Variants in ACTL6B observed in about 807,000 individuals in gnomAD.
ACTL6B encodes the protein actin-like protein 6B.
In ACTL6B, 48 loss-of-function variants were observed where a neutral mutation model predicts 63.3. The observed-to-expected ratio is 0.76, with a 90% confidence interval of 0.60 to 0.96. The LOEUF is 0.96. ACTL6B is among the 50% of genes least tolerant of loss of function. The probability of loss-of-function intolerance (pLI) is 0.00; values close to 1 mark genes in which losing one functional copy is unlikely to be tolerated. For synonymous variants in ACTL6B, 230 were observed against 223.8 expected (o/e 1.03, Z -0.25); for missense variants, 350 against 572.2 (o/e 0.61, Z 3.96).
chr7:100,645,648 T>C (rs1221453848), intron 13 of ACTL6B, among the ~76,000 whole-genome samples: 6 of 151,930 alleles, frequency 3.9e-5, no homozygotes, highest in African/African-American at 1.5e-4. Context: ...ATTTTTTTTT[T>C]TTTTTGAGAG....
chr7:100,652,073 G>C (rs563638827), intron 4 of ACTL6B, among the ~76,000 whole-genome samples: 31 of 152,150 alleles, frequency 2.0e-4, no homozygotes, highest in Non-Finnish European at 3.8e-4. Context: ...GACCAGGTCA[G>C]TGGGCTCCTG....
rs753577581 is a variant in ACTL6B at position 100,648,831 on chromosome 7, C to T, written c.468-8G>A. 5.0e-6 allele frequency: 8 copies of T among 1,612,402 alleles called. No individual in the cohort carries two copies. Among genetic ancestry groups the T allele is most frequent in the South Asian group, 3.3e-5 (3 of 90,862 alleles). Reference sequence around the variant, plus strand: ...GACCGCCCGTTTGCAAAGCTGGCATCGGATGGGTAAGTCAAAGAGACAGCA... The same window carrying T: ...GACCGCCCGTTTGCAAAGCTGGCATTGGATGGGTAAGTCAAAGAGACAGCA... On this transcript the variant is annotated splice_region_variant and splice_polypyrimidine_tract_variant and intron_variant, in intron 5 of 13. Transcript: ENST00000160382. This position sits in a 1 kb window ranked among gnomAD's most constrained non-coding sequence, Gnocchi z 4.4.
In ACTL6B at chr7:100,648,560, G is replaced by A; in HGVS notation, c.665C>T (p.Ala222Val). The A allele has an allele frequency of 6.2e-7, 1 of 1,601,946 alleles. No homozygotes were observed. The highest frequency in any genetic ancestry group is 1.1e-5 in the South Asian group (1 of 89,492). ...IDIIPPYMIA[A>V]KEPVREGAPP... ...CCATGTCCCCAGAGGCCCCACCTTGGCTGCGATCATGTAAGGTGGGATGAT... is the reference window on the plus strand; with the variant it reads ...CCATGTCCCCAGAGGCCCCACCTTGACTGCGATCATGTAAGGTGGGATGAT... Residue 222 changes from alanine to valine, a missense_variant, in exon 7 of 14, where the codon GCC (alanine) becomes GTC (valine). By Grantham distance (64) the Ala-to-Val change is moderately conservative. This residue lies in a region of ACTL6B where 250 missense variants were observed against 364.7 expected (regional missense o/e 0.69). Coordinates refer to ENST00000160382, the MANE Select transcript of ACTL6B (RefSeq NM_016188.5). This position sits in a 1 kb window ranked among gnomAD's most constrained non-coding sequence, Gnocchi z 4.4.
rs568396243 is a variant in ACTL6B at position 100,651,474 on chromosome 7, C to T, written c.370-1339G>A. Among the ~76,000 whole-genome samples, 30 of 150,904 alleles carry T rather than the reference C, an allele frequency of 2.0e-4. No homozygotes were observed. In the South Asian group the frequency reaches 5.2e-3, roughly 26 times the overall value. On this transcript the variant is annotated intron_variant, in intron 4 of 13. Coordinates refer to ENST00000160382, the MANE Select transcript of ACTL6B (RefSeq NM_016188.5). Reference sequence around the variant, plus strand: ...GCTGAGGCAGGAGAATCCTTGAACCCGGGAAGCGGAGGTTGCAGTGAGCCA... The same window carrying T: ...GCTGAGGCAGGAGAATCCTTGAACCTGGGAAGCGGAGGTTGCAGTGAGCCA...
chr7:100,645,536 C>G (rs780663137), intron 13 of ACTL6B, among the ~76,000 whole-genome samples: 1 of 152,126 alleles, frequency 6.6e-6, no homozygotes, highest in Non-Finnish European at 1.5e-5. Context: ...ACTCCCTTGC[C>G]CCAAAACATC....
In ACTL6B at chr7:100,647,779, G is replaced by C. The variant is rs925356540; in HGVS notation, c.670-246C>G. 2.0e-6 allele frequency: 1 copy of C among 490,094 alleles called. No homozygotes were observed. The highest frequency in any genetic ancestry group is 3.7e-5 in the South Asian group (1 of 27,348). The allele number at this position is 490,094 out of a possible 1,614,324, so 30.4% of individuals were successfully genotyped here. The stretch of plus-strand genomic sequence containing the variant: ...GAACACCAGGAATACAGCAGTGACA[G>C]AACCTCAAGGGAATGGCCTCCTAGG... On this transcript the variant is annotated intron_variant, in intron 7 of 13. Coordinates refer to ENST00000160382, the MANE Select transcript of ACTL6B (RefSeq NM_016188.5). This position sits in a 1 kb window ranked among gnomAD's most constrained non-coding sequence, Gnocchi z 4.4.
chr7:100,655,136 A>C lies in ACTL6B; in HGVS notation c.269-17T>G, dbSNP rs1804014136. 1 of 1,603,014 alleles carries C rather than the reference A, an allele frequency of 6.2e-7. No homozygotes were observed. The highest frequency in any genetic ancestry group is 8.5e-7 in the Non-Finnish European group (1 of 1,170,438). ...AGTCCTCGACTGGGGCCAGAAGAGCAGCGTGCAGAGACGCAAGAAGGCAGG... is the reference window on the plus strand; with the variant it reads ...AGTCCTCGACTGGGGCCAGAAGAGCCGCGTGCAGAGACGCAAGAAGGCAGG... On this transcript the variant is annotated splice_polypyrimidine_tract_variant and intron_variant, in intron 3 of 13. Transcript: ENST00000160382. The surrounding 1 kb of genome is among the most constrained non-coding windows in gnomAD (Gnocchi z 4.4).
At chr7:100,654,950 AGAGGTGGATGGTGGGAAG>A in intron 4 of ACTL6B, 51 bp downstream of exon 4, 1 of 1,311,328 alleles carries the variant, frequency 7.6e-7, no homozygotes, top group Non-Finnish European at 1.1e-6. Context: ...GGAGAGGAGG[AGAGGTGGATGGTGGGAAG>A]GAGGTGCAGT....
Position 100,650,032 on chromosome 7 carries a change from G to A in ACTL6B, c.467+6C>T, listed in dbSNP as rs776579917. The A allele has an allele frequency of 5.0e-6, 8 of 1,613,278 alleles. No individual in the cohort carries two copies. The South Asian group carries it at 8.8e-5, about 18-fold the overall frequency. ...CCCAGTCAGAGCAGCTCAGTCCAGA[G>A]GATACGCGGTGAGCACAGCCGTCTT... On this transcript the variant is annotated splice_donor_region_variant and intron_variant, in intron 5 of 13. Transcript: ENST00000160382.
chr7:100,645,668 G>A lies in ACTL6B; in HGVS notation c.1200+581C>T, dbSNP rs374697976. 1.4e-4 allele frequency among the ~76,000 whole-genome samples: 21 copies of A among 149,432 alleles called. 1 individual carries two copies. The South Asian group carries it at 1.5e-3, about 10-fold the overall frequency. On this transcript the variant is annotated intron_variant, in intron 13 of 13. Coordinates refer to ENST00000160382, the MANE Select transcript of ACTL6B (RefSeq NM_016188.5). ...TTTTTTTTTTTGAGAGTCTTACTGC[G>A]TCACCCAGGCTGGAGTGCAGTGGCA...
chr7:100,646,544 C>G lies in ACTL6B; in HGVS notation c.1113+7G>C. 6.2e-7 allele frequency: 1 copy of G among 1,613,942 alleles called. No homozygotes were observed. The highest frequency in any genetic ancestry group is 8.5e-7 in the Non-Finnish European group (1 of 1,179,936). On this transcript the variant is annotated splice_region_variant and intron_variant, in intron 12 of 13. Transcript: ENST00000160382. The surrounding 1 kb of genome is among the most constrained non-coding windows in gnomAD (Gnocchi z 6.1). ...TCCAGGGCTCTGGGTCAGGGGTGGGCTCCTACCGGTGGGGTCTTCTGGGAA... is the reference window on the plus strand; with the variant it reads ...TCCAGGGCTCTGGGTCAGGGGTGGGGTCCTACCGGTGGGGTCTTCTGGGAA...
rs773998945 is a variant in ACTL6B at position 100,648,775 on chromosome 7, G to A, written c.516C>T (p.Thr172=). ...CATGTACTGGAATGGCCGTGGTGTG[G>A]GTGGCTCCACTGTCCAGCACGAGGC... is the stretch of plus-strand genomic sequence containing the variant. ...STGLVLDSGA[T]HTTAIPVHDG... The change falls in exon 6 of 14, where the codon ACC becomes ACT. Residue 172 remains threonine, a synonymous_variant. Coordinates refer to ENST00000160382, the MANE Select transcript of ACTL6B (RefSeq NM_016188.5). This position sits in a 1 kb window ranked among gnomAD's most constrained non-coding sequence, Gnocchi z 4.4. 3 of 1,614,048 alleles carry A rather than the reference G, an allele frequency of 1.9e-6. No homozygotes were observed. Among genetic ancestry groups the A allele is most frequent in the Non-Finnish European group, 1.7e-6 (2 of 1,180,000 alleles).
intron 13 of ACTL6B, among the ~76,000 whole-genome samples, chr7:100,644,136 A>G (rs1803775960): frequency 1.3e-5 from 2 of 152,180 alleles, no homozygotes; most frequent in South Asian, 2.1e-4. Flanking sequence ...CTGACCTCAG[A>G]TGATCCGCCC....
chr7:100,654,269 G>A (rs1406016422), intron 4 of ACTL6B, among the ~76,000 whole-genome samples: 1 of 151,298 alleles, frequency 6.6e-6, no homozygotes, highest in Non-Finnish European at 1.5e-5. Flanking sequence ...ACCACACCCG[G>A]CAAAAAATTT....
In ACTL6B at chr7:100,648,920, C is replaced by T; in HGVS notation, c.468-97G>A. 8.2e-7 allele frequency: 1 copy of T among 1,218,666 alleles called. No individual in the cohort carries two copies. The highest frequency in any genetic ancestry group is 1.5e-5 in the African/African-American group (1 of 65,732). The allele number at this position is 1,218,666 out of a possible 1,614,324, so 75.5% of individuals were successfully genotyped here. ...CACTCTCTGCTCTACCGGGGTCCAG[C>T]CCATCCCCAGTCTGCAAATCTCTCC... On this transcript the variant is annotated intron_variant, in intron 5 of 13. Transcript: ENST00000160382. This position sits in a 1 kb window ranked among gnomAD's most constrained non-coding sequence, Gnocchi z 4.4.
At chr7:100,652,740 C>T (rs924593058) in intron 4 of ACTL6B, among the ~76,000 whole-genome samples, 8 of 151,922 alleles carry the variant, frequency 5.3e-5, no homozygotes, top group African/African-American at 7.3e-5. Flanking sequence ...TGGTGGCTTA[C>T]GCCTGTAATC....
Position 100,655,942 on chromosome 7 carries a change from G to A in ACTL6B, c.26-63C>T, listed in dbSNP as rs1804032436. On this transcript the variant is annotated intron_variant, in intron 1 of 13. Coordinates refer to ENST00000160382, the MANE Select transcript of ACTL6B (RefSeq NM_016188.5). The surrounding 1 kb of genome is among the most constrained non-coding windows in gnomAD (Gnocchi z 4.4). ...GAACTCTCTCCCGCTAGGTAGCTCCGAGAGAAAGTCAGGGCAGAGCCACAG... is the reference window on the plus strand; with the variant it reads ...GAACTCTCTCCCGCTAGGTAGCTCCAAGAGAAAGTCAGGGCAGAGCCACAG... 2.0e-6 allele frequency: 3 copies of A among 1,499,140 alleles called. No homozygotes were observed. Among genetic ancestry groups the A allele is most frequent in the East Asian group, 4.9e-5 (2 of 40,630 alleles). 92.9% of individuals were successfully genotyped at this position (1,499,140 alleles called of 1,614,324 possible).
Position 100,655,812 on chromosome 7 carries a change from G to A in ACTL6B, c.93C>T (p.Asp31=), listed in dbSNP as rs1447272434. 4 of 1,570,356 alleles carry A rather than the reference G, an allele frequency of 2.5e-6. No individual in the cohort carries two copies. The highest frequency in any genetic ancestry group is 3.5e-6 in the Non-Finnish European group (4 of 1,157,168). ...AGACTGGAAGGCTCACCTTGGGACA[G>A]TCCTCCCCAGCGTACCCAGCGCGGA... The part of the protein sequence containing the change: ...FSVRAGYAGE[D]CPKADFPTTV... Residue 31 remains aspartate (D), a synonymous_variant, in exon 2 of 14, where the codon GAC becomes GAT. Coordinates refer to ENST00000160382, the MANE Select transcript of ACTL6B (RefSeq NM_016188.5). This position sits in a 1 kb window ranked among gnomAD's most constrained non-coding sequence, Gnocchi z 4.4.
chr7:100,644,288 C>T (rs1264913948), intron 13 of ACTL6B, among the ~76,000 whole-genome samples: 2 of 152,188 alleles, frequency 1.3e-5, no homozygotes, highest in African/African-American at 4.8e-5. Context: ...TCCACCTCAG[C>T]CTCCCATAAT....
Sources: allele counts gnomAD v4.1 joint callset (sites outside exome capture counted in the v4.1 genomes callset), GRCh38; gene constraint gnomAD v4.1.1; regional missense constraint gnomAD v4.1.1; non-coding constraint Gnocchi (gnomAD v3.1); transcripts MANE v1.5; gene names NCBI Gene and HGNC (gene_info 2026-07-23, HGNC 2026-07-21).